Variants in PARP1 observed in about 807,000 individuals in gnomAD.
PARP1 encodes the protein poly [ADP-ribose] polymerase 1.
Under a neutral mutation model 118.7 loss-of-function variants are expected in PARP1, and 44 were observed. The observed-to-expected ratio is 0.37, with a 90% confidence interval of 0.29 to 0.48. The LOEUF (loss-of-function observed/expected upper bound fraction) is 0.48. Among genes scored for constraint, PARP1 ranks in the 20% least tolerant of loss-of-function variants. The pLI, the probability that PARP1 is intolerant of heterozygous loss-of-function variation, is 0.99. For missense variants in PARP1, 1,100 were observed against 1,272.4 expected (o/e 0.86, Z 2.06); for synonymous variants, 492 against 483.2 (o/e 1.02, Z -0.24).
chr1:226,383,166 A>G lies in PARP1; in HGVS notation c.1029T>C (p.Ser343=), dbSNP rs972603235. The G allele has an allele frequency of 1.9e-6, 3 of 1,613,104 alleles. No individual in the cohort carries two copies. Among genetic ancestry groups the G allele is most frequent in the Admixed American group, 1.7e-5 (1 of 60,012 alleles). The change falls in exon 8 of 23, where the codon TCT becomes TCC. Residue 343 remains serine, a synonymous_variant. Coordinates refer to ENST00000366794, the MANE Select transcript of PARP1 (RefSeq NM_001618.4). The part of the protein sequence containing the change: ...WVTPKEFREI[S]YLKKLKVKKQ... ...TTTTAACCTTCAATTTCTTGAGGTAAGAGATTTCTCGGAATTCCTAAAAAA... is the reference window on the plus strand; with the variant it reads ...TTTTAACCTTCAATTTCTTGAGGTAGGAGATTTCTCGGAATTCCTAAAAAA...
chr1:226,366,007 C>G lies in PARP1; in HGVS notation c.2452G>C (p.Val818Leu). 2 of 1,613,714 alleles carry G rather than the reference C, an allele frequency of 1.2e-6. No individual in the cohort carries two copies. Among genetic ancestry groups the G allele is most frequent in the Non-Finnish European group, 8.5e-7 (1 of 1,179,610 alleles). The change falls in exon 18 of 23, where the codon GTT (valine) becomes CTT (leucine). Residue 818 changes from valine (V) to leucine (L), a missense_variant. Val to Leu is a conservative substitution (Grantham distance 32). Coordinates refer to ENST00000366794, the MANE Select transcript of PARP1 (RefSeq NM_001618.4). ...SEEAEIIRKY[V>L]KNTHATTHNA... ...TGTGTGGTTGCATGAGTGTTCTTAA[C>G]ATACTTCCTGATGATCTCGGCTTCT...
At chr1:226,361,589 T>A in intron 22 of PARP1, 48 bp from the exon 23 acceptor site, 2 of 1,315,564 alleles carry the variant, frequency 1.5e-6, no homozygotes, top group Non-Finnish European at 2.2e-6. Flanking sequence ...ACAGAGGGTA[T>A]GTACATGTGC....
intron 1 of PARP1, 93 bp downstream of exon 1, chr1:226,407,694 CCGCTCCGAGGGCCCGGGCCCGCT>C (rs1665179144): frequency 3.0e-6 from 3 of 1,014,376 alleles, no homozygotes; most frequent in South Asian, 1.7e-5. Context: ...GCCCCAAGTG[CCGCTCCGAGGGCCCGGGCCCGCT>C]CGCTCCCTGG....
In PARP1 at chr1:226,367,612, G is replaced by C. The variant is rs372286466; in HGVS notation, c.2278-4C>G. 5 of 1,614,036 alleles carry C rather than the reference G, an allele frequency of 3.1e-6. No homozygotes were observed. Among genetic ancestry groups the C allele is most frequent in the South Asian group, 1.1e-5 (1 of 91,074 alleles). ...TGTCAAGCATTTCCACCTTGGCCTG[G>C]AGGAGCAAAAGAAAGCCCCCGACTT... is the stretch of plus-strand genomic sequence containing the variant. On this transcript the variant is annotated splice_region_variant and splice_polypyrimidine_tract_variant and intron_variant, in intron 16 of 22. Transcript: ENST00000366794.
At chr1:226,397,190 G>C (rs1664940911) in intron 2 of PARP1, among the ~76,000 whole-genome samples, 1 of 150,618 alleles carries the variant, frequency 6.6e-6, no homozygotes, top group African/African-American at 2.4e-5. Flanking sequence ...AAAATTAGTT[G>C]GGCAACTGTA....
At chr1:226,382,170 C>T (rs1664622273) in intron 8 of PARP1, among the ~76,000 whole-genome samples, 1 of 152,220 alleles carries the variant, frequency 6.6e-6, no homozygotes, top group Admixed American at 6.5e-5. Flanking sequence ...TCATCCTCCA[C>T]CCACCAAACT....
chr1:226,388,853 C>G, intron 4 of PARP1, 98 bp from the exon 5 acceptor site: 1 of 931,144 alleles, frequency 1.1e-6, no homozygotes, highest in Non-Finnish European at 1.8e-6. Flanking sequence ...ATTCTATCAA[C>G]TCCCTGTAGG....
intron 2 of PARP1, among the ~76,000 whole-genome samples, chr1:226,401,326 A>G (rs1240824712): frequency 1.3e-5 from 2 of 152,226 alleles, no homozygotes; most frequent in Non-Finnish European, 2.9e-5. Context: ...TGGCTCTGTG[A>G]CTGCTCCTGC....
At chr1:226,375,428 A>G (rs1353328939) in intron 13 of PARP1, among the ~76,000 whole-genome samples, 1 of 152,216 alleles carries the variant, frequency 6.6e-6, no homozygotes, top group South Asian at 2.1e-4. Flanking sequence ...AATGACTAAC[A>G]GGAGGCAGGA....
intron 14 of PARP1, among the ~76,000 whole-genome samples, chr1:226,372,711 C>G (rs967173112): frequency 2.0e-5 from 3 of 152,032 alleles, no homozygotes; most frequent in African/African-American, 7.3e-5. Flanking sequence ...AAAACAACAA[C>G]AAAAACAACA....
intron 16 of PARP1, 149 bp downstream of exon 16, chr1:226,368,050 G>C: frequency 9.4e-7 from 1 of 1,069,018 alleles, no homozygotes; most frequent in East Asian, 2.4e-5. Flanking sequence ...CCATCAATGT[G>C]GGTAGAAACC....
At chr1:226,404,948 G>A (rs1457634533) in intron 1 of PARP1, among the ~76,000 whole-genome samples, 1 of 152,126 alleles carries the variant, frequency 6.6e-6, no homozygotes, top group Non-Finnish European at 1.5e-5. Flanking sequence ...TCCCAGGACA[G>A]AGCAACTCAA....
At chr1:226,362,934 C>T (rs1472692931) in intron 21 of PARP1, among the ~76,000 whole-genome samples, 165 bp downstream of exon 21, 1 of 152,034 alleles carries the variant, frequency 6.6e-6, no homozygotes, top group Non-Finnish European at 1.5e-5. Context: ...CACCACCACC[C>T]CCCAAACAAC....
chr1:226,401,561 T>C (rs1324642101), intron 2 of PARP1, among the ~76,000 whole-genome samples: 1 of 152,104 alleles, frequency 6.6e-6, no homozygotes, highest in Non-Finnish European at 1.5e-5. Context: ...GGCACACTGG[T>C]GGGTGTTTTA....
intron 14 of PARP1, 54 bp downstream of exon 14, chr1:226,374,172 G>A: frequency 6.2e-7 from 1 of 1,605,104 alleles, no homozygotes. Flanking sequence ...CACTAGCTCA[G>A]CAAATAATCA....
intron 2 of PARP1, 25 bp from the exon 3 acceptor site, chr1:226,392,339 G>C (rs763015986): frequency 5.8e-6 from 9 of 1,547,034 alleles, no homozygotes; most frequent in Non-Finnish European, 8.0e-6. Context: ...AGACAGCAAT[G>C]CTCATCTCAA....
intron 7 of PARP1, among the ~76,000 whole-genome samples, chr1:226,385,007 G>T (rs1350545654): frequency 6.6e-6 from 1 of 152,200 alleles, no homozygotes; most frequent in Non-Finnish European, 1.5e-5. Context: ...CGGCTCCAAA[G>T]GAGGCTCCCC....
chr1:226,381,119 C>G lies in PARP1; in HGVS notation c.1249G>C (p.Gly417Arg). 6.2e-7 allele frequency: 1 copy of G among 1,614,182 alleles called. No homozygotes were observed. Among genetic ancestry groups the G allele is most frequent in the Non-Finnish European group, 8.5e-7 (1 of 1,180,020 alleles). ...EVKAMIEKLG[G>R]KLTGTANKAS... ...TTGTTGGCCGTCCCCGTCAACTTCC[C>G]CCCGAGTTTCTCAATCATGGCCTTC... Residue 417 changes from glycine (G) to arginine (R), a missense_variant, in exon 9 of 23, where the codon GGG becomes CGG. Physicochemically the swap from Gly to Arg is moderately radical, Grantham distance 125. Coordinates refer to ENST00000366794, the MANE Select transcript of PARP1 (RefSeq NM_001618.4).
At chr1:226,399,989 C>A (rs566855884) in intron 2 of PARP1, among the ~76,000 whole-genome samples, 1 of 151,820 alleles carries the variant, frequency 6.6e-6, no homozygotes, top group South Asian at 2.1e-4. Context: ...GGTGACAGAG[C>A]GAGAATCCGT....
Sources: gnomAD v4.1 joint callset for allele counts (sites outside exome capture counted in the v4.1 genomes callset) on GRCh38, gnomAD v4.1.1 for gene constraint, MANE v1.5 for transcripts, NCBI Gene and HGNC (gene_info 2026-07-23, HGNC 2026-07-21) for gene names.